Variants in GALK2 observed in about 807,000 individuals in gnomAD.
GALK2 encodes the protein N-acetylgalactosamine kinase.
Under a neutral mutation model 52.4 loss-of-function variants are expected in GALK2, and 36 were observed. The observed-to-expected ratio is 0.69, with a 90% CI of 0.53 to 0.91. The LOEUF (loss-of-function observed/expected upper bound fraction) is 0.91, where lower values mean the gene tolerates loss of function less well. Ranked by LOEUF, GALK2 falls within the 40% of genes least tolerant of loss-of-function variation. GALK2 has a pLI of 0.00. For synonymous variants in GALK2, 176 were observed against 199.1 expected (o/e 0.88, Z 0.98); for missense variants, 579 against 559.1 (o/e 1.04, Z -0.36).
chr15:49,319,704 G>T lies in GALK2; in HGVS notation c.1068G>T (p.Met356Ile). The change falls in exon 9 of 10, where the codon ATG becomes ATT. Residue 356 changes from methionine to isoleucine, a missense_variant. By Grantham distance (10) the Met-to-Ile change is conservative. Coordinates refer to ENST00000560031, the MANE Select transcript of GALK2 (RefSeq NM_002044.4). Reference sequence around the variant, plus strand: ...TATGTGAAGAAGCACCTGAAAACATGGTCCAGCTGCTGGGAGAGTTGATGA... The same window carrying T: ...TATGTGAAGAAGCACCTGAAAACATTGTCCAGCTGCTGGGAGAGTTGATGA... ...KKICEEAPEN[M>I]VQLLGELMNQ... 6.2e-7 allele frequency: 1 copy of T among 1,614,114 alleles called. No individual in the cohort carries two copies. Among genetic ancestry groups the T allele is most frequent in the Non-Finnish European group, 8.5e-7 (1 of 1,180,000 alleles).
intron 5 of GALK2, among the ~76,000 whole-genome samples, chr15:49,254,634 T>C (rs2091738423): frequency 6.9e-6 from 1 of 144,352 alleles, no homozygotes; most frequent in South Asian, 2.2e-4. Context: ...GCAGAGAATT[T>C]GGATAAAAGA....
chr15:49,290,551 C>T (rs575668933), intron 7 of GALK2, among the ~76,000 whole-genome samples: 14 of 152,200 alleles, frequency 9.2e-5, no homozygotes, highest in Non-Finnish European at 1.8e-4. Context: ...CCACACATCA[C>T]TGGCCCAGTT....
chr15:49,329,906 A>G lies in GALK2; in HGVS notation c.*1747A>G, dbSNP rs2038296789. 2 of 267,864 alleles carry G rather than the reference A, an allele frequency of 7.5e-6. No individual in the cohort carries two copies. The highest frequency in any genetic ancestry group is 4.6e-5 in the African/African-American group (2 of 43,464). 16.6% of individuals were successfully genotyped at this position (267,864 alleles called of 1,614,324 possible). Reference sequence around the variant, plus strand: ...CACAAAAGGTGAGTAAAAATTTCCAATGTGCACTCTTCTTTGGGGGACACA... The same window carrying G: ...CACAAAAGGTGAGTAAAAATTTCCAGTGTGCACTCTTCTTTGGGGGACACA... On this transcript the variant is annotated 3_prime_UTR_variant, in exon 10 of 10. Coordinates refer to ENST00000560031, the MANE Select transcript of GALK2 (RefSeq NM_002044.4).
intron 8 of GALK2, among the ~76,000 whole-genome samples, chr15:49,306,753 G>T (rs995796461): frequency 6.6e-6 from 1 of 152,132 alleles, no homozygotes; most frequent in Non-Finnish European, 1.5e-5. Context: ...GCTTGAAATT[G>T]TTTCCTCTTT....
chr15:49,177,247 C>T (rs1420249698), intron 1 of GALK2, among the ~76,000 whole-genome samples: 1 of 151,942 alleles, frequency 6.6e-6, no homozygotes, highest in Non-Finnish European at 1.5e-5. Context: ...ATTTATTTAA[C>T]TACTTTTTGC....
chr15:49,234,526 A>G (rs2090683921), intron 3 of GALK2, among the ~76,000 whole-genome samples: 1 of 152,194 alleles, frequency 6.6e-6, no homozygotes, highest in African/African-American at 2.4e-5. Flanking sequence ...GGCAGAAAGC[A>G]AATGAGGAGC....
chr15:49,170,347 C>A lies in GALK2; in HGVS notation c.25C>A (p.Arg9Ser). The stretch of plus-strand genomic sequence containing the variant: ...TATGGCTACAGAGAGCCCTGCTACG[C>A]GTCGGGTCCAGGTGGCAGAACATCC... The part of the protein sequence containing the change: MATESPAT[R>S]RVQVAEHPRL... The change falls in exon 1 of 10, where the codon CGT becomes AGT. Residue 9 changes from arginine to serine, a missense_variant. Transcript: ENST00000560031. 1 of 1,592,488 alleles carries A rather than the reference C, an allele frequency of 6.3e-7. No homozygotes were observed. The highest frequency in any genetic ancestry group is 1.3e-5 in the African/African-American group (1 of 74,736).
intron 7 of GALK2, among the ~76,000 whole-genome samples, chr15:49,284,886 G>C (rs1015418158): frequency 2.6e-5 from 4 of 151,986 alleles, no homozygotes; most frequent in African/African-American, 9.7e-5. Context: ...TCTTTAACTT[G>C]TTCCTCGCCT....
chr15:49,357,808 C>A (rs891299826), intron 3 of GALK2, among the ~76,000 whole-genome samples: 2 of 152,210 alleles, frequency 1.3e-5, no homozygotes, highest in East Asian at 1.9e-4. Context: ...AGACCAATAT[C>A]CTTGATGAAC....
chr15:49,351,899 T>C (rs2042308931), intron 3 of GALK2, among the ~76,000 whole-genome samples: 1 of 152,200 alleles, frequency 6.6e-6, no homozygotes, highest in Non-Finnish European at 1.5e-5. Context: ...TATTGCTATA[T>C]AACAAACAAC....
chr15:49,158,677 A>G, intron 1 of GALK2, among the ~76,000 whole-genome samples: 1 of 152,258 alleles, frequency 6.6e-6, no homozygotes, highest in East Asian at 1.9e-4. Context: ...TAAAGAAAAA[A>G]ATGAAATAAA....
chr15:49,309,948 T>C (rs539067634), intron 8 of GALK2, among the ~76,000 whole-genome samples: 90 of 152,300 alleles, frequency 5.9e-4, no homozygotes, highest in African/African-American at 2.1e-3. Context: ...TCTTGTTAAC[T>C]GTAGTCACTC....
At chr15:49,286,603 A>G (rs2033385735) in intron 7 of GALK2, among the ~76,000 whole-genome samples, 1 of 152,216 alleles carries the variant, frequency 6.6e-6, no homozygotes, top group South Asian at 2.1e-4. Flanking sequence ...TTTTTAATTT[A>G]CTTATTAAGA....
intron 3 of GALK2, among the ~76,000 whole-genome samples, chr15:49,223,665 T>A (rs944890977): frequency 6.6e-6 from 1 of 152,196 alleles, no homozygotes; most frequent in Middle Eastern, 3.2e-3. Context: ...CCTGTGTTAA[T>A]TTGCTTAGGA....
intron 5 of GALK2, among the ~76,000 whole-genome samples, chr15:49,242,571 A>G (rs1190606516): frequency 6.6e-6 from 1 of 152,244 alleles, no homozygotes; most frequent in Non-Finnish European, 1.5e-5. Context: ...CTATTATTTC[A>G]TATCCAGTAA....
At chr15:49,253,200 T>G (rs1487085765) in intron 5 of GALK2, among the ~76,000 whole-genome samples, 1 of 144,738 alleles carries the variant, frequency 6.9e-6, no homozygotes, top group African/African-American at 2.5e-5. Flanking sequence ...CAATTTTATC[T>G]TCCTTGAGTT....
At chr15:49,168,251 G>A (rs1002808161), upstream of GALK2, among the ~76,000 whole-genome samples, 1 of 152,078 alleles carries the variant, frequency 6.6e-6, no homozygotes, top group African/African-American at 2.4e-5. Flanking sequence ...GTTAATGTTC[G>A]GTCATCAAGT....
At chr15:49,291,355 T>G (rs954490090) in intron 7 of GALK2, among the ~76,000 whole-genome samples, 2 of 152,210 alleles carry the variant, frequency 1.3e-5, no homozygotes, top group African/African-American at 4.8e-5. Flanking sequence ...TCTTCAGAAG[T>G]CAGTGGCTGT....
In GALK2 at chr15:49,218,332, A is replaced by G. The variant is rs188305798; in HGVS notation, c.266+1019A>G. Among the ~76,000 whole-genome samples, 636 of 152,290 alleles carry G rather than the reference A, an allele frequency of 4.2e-3. 3 individuals are homozygous for G. The highest frequency in any genetic ancestry group is 7.0e-3 in the Non-Finnish European group (473 of 68,030). ...ATTATGTCAAGCATATTTTCGTGTC[A>G]TTGTGTATGAACATTTAAAAATCGG... On this transcript the variant is annotated intron_variant, in intron 3 of 9. Transcript: ENST00000560031.
Sources: allele counts gnomAD v4.1 joint callset (sites outside exome capture counted in the v4.1 genomes callset), GRCh38; gene constraint gnomAD v4.1.1; transcripts MANE v1.5; gene names NCBI Gene and HGNC (gene_info 2026-07-23, HGNC 2026-07-21).